Variants in ANKRD36B observed in about 807,000 individuals in gnomAD.
The protein encoded by ANKRD36B is ankyrin repeat domain-containing protein 36B.
In ANKRD36B, 37 loss-of-function variants were observed where a neutral mutation model predicts 135.7. The observed-to-expected ratio is 0.27, with a 90% confidence interval of 0.21 to 0.36. ANKRD36B has a LOEUF of 0.36. Among genes scored for constraint, ANKRD36B ranks in the 10% least tolerant of loss-of-function variants. ANKRD36B has a pLI of 1.00. For synonymous variants in ANKRD36B, 179 were observed against 348.1 expected (o/e 0.51, Z 5.41); for missense variants, 549 against 1,037.1 (o/e 0.53, Z 6.46).
chr2:97,589,852 C>T lies in ANKRD36B; in HGVS notation c.-167G>A. 1.0e-6 allele frequency: 1 copy of T among 993,666 alleles called. No individual in the cohort carries two copies. Among genetic ancestry groups the T allele is most frequent in the South Asian group, 1.5e-5 (1 of 64,696 alleles). The allele number at this position is 993,666 out of a possible 1,614,324, so 61.6% of individuals were successfully genotyped here. A position where few individuals can be genotyped will look rare whatever the true frequency, so the allele number is the denominator to read the frequency against. On this transcript the variant is annotated 5_prime_UTR_variant, in exon 1 of 44. Coordinates refer to ENST00000359901, the MANE Select transcript of ANKRD36B (RefSeq NM_001393939.1). The stretch of plus-strand genomic sequence containing the variant: ...CGCGCAGACTCTCAGCGCCTCCCGC[C>T]TCTCCGCAGAAACGCCCAACAGAAG...
At position 97,525,472 on chromosome 2, in the gene ANKRD36B, C is replaced by T. The variant is rs184606511; in HGVS notation, c.2266-2005G>A. ...TCTGGTCTACAGCTCCCAGTGTGAG[C>T]GACGCAGAAGATGGGTGATTTCTGC... On this transcript the variant is annotated intron_variant, in intron 35 of 43. Coordinates refer to ENST00000359901, the MANE Select transcript of ANKRD36B (RefSeq NM_001393939.1). Among the ~76,000 whole-genome samples the T allele has an allele frequency of 0.013, 1,251 of 96,078 alleles. 373 individuals carry two copies. In the East Asian group the frequency reaches 0.16, roughly 12 times the overall value. The allele number at this position is 96,078 out of a possible 152,430, so 63.0% of individuals were successfully genotyped here.
chr2:97,550,713 C>A (rs75708852), intron 18 of ANKRD36B, among the ~76,000 whole-genome samples: 3,403 of 151,962 alleles, frequency 0.022, 64 homozygotes, highest in Non-Finnish European at 0.037. Context: ...TTGCCAAAAT[C>A]AAATATTGTT....
intron 43 of ANKRD36B, among the ~76,000 whole-genome samples, chr2:97,494,500 G>A (rs1236916532): frequency 9.3e-6 from 1 of 107,178 alleles, no homozygotes; most frequent in Non-Finnish European, 2.6e-5. Flanking sequence ...TCACTCATTA[G>A]TGAAAAAAGG....
At chr2:97,552,908 T>G (rs2080190594) in intron 16 of ANKRD36B, among the ~76,000 whole-genome samples, 1 of 151,928 alleles carries the variant, frequency 6.6e-6, no homozygotes, top group Non-Finnish European at 1.5e-5. Context: ...GAGCCCCTTA[T>G]GTCTTGAACC....
intron 14 of ANKRD36B, among the ~76,000 whole-genome samples, 193 bp from the exon 15 acceptor site, chr2:97,553,564 A>G (rs759869030): frequency 1.3e-4 from 20 of 151,994 alleles, no homozygotes; most frequent in Non-Finnish European, 2.4e-4. Flanking sequence ...GTGTCACGAT[A>G]CATTCCTAAC....
chr2:97,546,326 C>T (rs571709486), intron 22 of ANKRD36B, among the ~76,000 whole-genome samples: 8 of 151,846 alleles, frequency 5.3e-5, no homozygotes, highest in African/African-American at 1.9e-4. Flanking sequence ...CACAGAATTA[C>T]GACGACATTT....
At chr2:97,525,352 G>C (rs1166632680) in intron 35 of ANKRD36B, among the ~76,000 whole-genome samples, 1 of 96,618 alleles carries the variant, frequency 1.0e-5, no homozygotes, top group East Asian at 2.3e-4. Context: ...CTAATGATTA[G>C]GCAAACTTTA....
intron 16 of ANKRD36B, among the ~76,000 whole-genome samples, chr2:97,552,874 A>AG (rs1340154027): frequency 7.2e-5 from 11 of 151,978 alleles, no homozygotes; most frequent in Admixed American, 7.2e-4. Flanking sequence ...CTGTAGAATT[A>AG]AAGCAAAACT....
chr2:97,547,801 T>C (rs949453344), intron 20 of ANKRD36B, 70 bp from the exon 21 acceptor site: 5 of 1,526,180 alleles, frequency 3.3e-6, no homozygotes, highest in South Asian at 2.4e-5. Context: ...ATTCACGCAG[T>C]GTTAGCATCA....
intron 18 of ANKRD36B, among the ~76,000 whole-genome samples, chr2:97,550,558 T>C (rs1484458347): frequency 1.3e-5 from 2 of 151,822 alleles, no homozygotes; most frequent in Non-Finnish European, 1.5e-5. Flanking sequence ...AGCCAATGTG[T>C]TCATATTCAA....
At chr2:97,586,497 T>C (rs2083007091) in intron 1 of ANKRD36B, among the ~76,000 whole-genome samples, 1 of 151,860 alleles carries the variant, frequency 6.6e-6, no homozygotes, top group Admixed American at 6.6e-5. Flanking sequence ...CAGGTAAACA[T>C]GAAGTTGTTA....
chr2:97,545,344 T>G (rs377564459), intron 24 of ANKRD36B, among the ~76,000 whole-genome samples: 3 of 95,392 alleles, frequency 3.1e-5, no homozygotes, highest in Admixed American at 9.4e-5. Context: ...TTATTTCATC[T>G]CTTTCTCTTT....
chr2:97,551,043 T>C (rs1367430040), intron 18 of ANKRD36B, among the ~76,000 whole-genome samples: 1 of 151,886 alleles, frequency 6.6e-6, no homozygotes, highest in African/African-American at 2.4e-5. Context: ...CAGAGCCCCT[T>C]ATGTCTTCAA....
In ANKRD36B at chr2:97,541,334, G is replaced by A. The variant is rs1191500176; in HGVS notation, c.1885+577C>T. Among the ~76,000 whole-genome samples, 7 of 96,186 alleles carry A rather than the reference G, an allele frequency of 7.3e-5. 3 individuals are homozygous for A. The highest frequency in any genetic ancestry group is 1.9e-4 in the Non-Finnish European group (7 of 36,034). The allele number at this position is 96,186 out of a possible 152,430, so 63.1% of individuals were successfully genotyped here. A position where few individuals can be genotyped will look rare whatever the true frequency, so the allele number is the denominator to read the frequency against. ...GTTCTTGGAGAAGCCAAAATTTAGTGTTCTTTTATGCAAATATTCCAAATT... is the reference window on the plus strand; with the variant it reads ...GTTCTTGGAGAAGCCAAAATTTAGTATTCTTTTATGCAAATATTCCAAATT... On this transcript the variant is annotated intron_variant, in intron 28 of 43. Transcript: ENST00000359901.
chr2:97,580,550 A>G lies in ANKRD36B; in HGVS notation c.469T>C (p.Leu157=), dbSNP rs752069708. 2.6e-6 allele frequency: 4 copies of G among 1,545,960 alleles called. No individual in the cohort carries two copies. Among genetic ancestry groups the G allele is most frequent in the Non-Finnish European group, 3.5e-6 (4 of 1,143,952 alleles). The stretch of plus-strand genomic sequence containing the variant: ...ACTTTTCTTCGACTCACAGCAAGTA[A>G]CAGTGGCTGATATTCATTCTGTAAA... ...ECSKNEYQPL[L]LAVSRRKVKM... Residue 157 remains leucine (L), a synonymous_variant, in exon 4 of 44, where the codon TTA becomes CTA. Transcript: ENST00000359901.
chr2:97,580,332 T>A, intron 4 of ANKRD36B, 130 bp downstream of exon 4: 1 of 780,912 alleles, frequency 1.3e-6, no homozygotes, highest in Non-Finnish European at 1.9e-6. Flanking sequence ...TGTGTTGATA[T>A]TTCTCACTAT....
At position 97,538,579 on chromosome 2, in the gene ANKRD36B, A is replaced by C. The variant is rs184447768; in HGVS notation, c.1988-216T>G. 1.9e-4 allele frequency among the ~76,000 whole-genome samples: 18 copies of C among 96,620 alleles called. 4 individuals carry two copies. The East Asian group carries it at 4.1e-3, about 22-fold the overall frequency. The allele number at this position is 96,620 out of a possible 152,430, so 63.4% of individuals were successfully genotyped here. A position where few individuals can be genotyped will look rare whatever the true frequency, so the allele number is the denominator to read the frequency against. On this transcript the variant is annotated intron_variant, in intron 30 of 43. Coordinates refer to ENST00000359901, the MANE Select transcript of ANKRD36B (RefSeq NM_001393939.1). Reference sequence around the variant, plus strand: ...GAAAATATTCAGTCAGAAATTACAAAGAGGTATTTTGCGTCATGTGTGTAT... The same window carrying C: ...GAAAATATTCAGTCAGAAATTACAACGAGGTATTTTGCGTCATGTGTGTAT...
intron 5 of ANKRD36B, among the ~76,000 whole-genome samples, chr2:97,578,013 C>A (rs893580727): frequency 4.6e-5 from 7 of 151,824 alleles, no homozygotes; most frequent in African/African-American, 1.7e-4. Flanking sequence ...ACTATCCTAA[C>A]TAATATTTGC....
At chr2:97,551,899 G>T (rs965170014) in intron 16 of ANKRD36B, among the ~76,000 whole-genome samples, 12 of 151,866 alleles carry the variant, frequency 7.9e-5, no homozygotes, top group Non-Finnish European at 1.5e-4. Context: ...ATACAAACAT[G>T]CATCATGCTC....
Sources: gnomAD v4.1 joint callset for allele counts (sites outside exome capture counted in the v4.1 genomes callset) on GRCh38, gnomAD v4.1.1 for gene constraint, MANE v1.5 for transcripts, NCBI Gene and HGNC (gene_info 2026-07-23, HGNC 2026-07-21) for gene names.